The following COMMD1 variants were observed in gnomAD, a reference collection of about 807,000 sequenced individuals.
COMMD1 encodes the protein COMM domain-containing protein 1.
A neutral mutation model predicts 17.2 loss-of-function variants in COMMD1; 10 were observed. The observed-to-expected ratio is 0.58, with a 90% confidence interval of 0.36 to 0.99. The LOEUF is 0.99. COMMD1 is among the 50% of genes least tolerant of loss of function. COMMD1 has a pLI of 0.01. For missense variants in COMMD1, 270 were observed against 231.8 expected, an observed-to-expected ratio of 1.17 and a Z score of -1.07; for synonymous variants, 97 against 91.6, an observed-to-expected ratio of 1.06 and a Z score of -0.34.
chr2:62,089,544 A>G (rs966181239), intron 2 of COMMD1, among the ~76,000 whole-genome samples: 2 of 152,154 alleles, frequency 1.3e-5, no homozygotes, highest in African/African-American at 4.8e-5. Flanking sequence ...CGGCCTCTCA[A>G]AGTGCTGGGA....
chr2:61,943,974 C>G (rs1215185343), intron 1 of COMMD1, among the ~76,000 whole-genome samples: 1 of 152,206 alleles, frequency 6.6e-6, no homozygotes, highest in Non-Finnish European at 1.5e-5. Flanking sequence ...GCAGGCACTT[C>G]CACTTGGCCC....
rs148212932 is a variant in COMMD1, at chr2:62,135,436, C to T, written c.463-395C>T. Reference sequence around the variant, plus strand: ...CCCGATCTCGGCTCACTGCAAGCTCCGACTTTCGGGTTCACGCCATTCTCC... The same window carrying T: ...CCCGATCTCGGCTCACTGCAAGCTCTGACTTTCGGGTTCACGCCATTCTCC... On this transcript the variant is annotated intron_variant, in intron 2 of 2. Coordinates refer to ENST00000311832, the MANE Select transcript of COMMD1 (RefSeq NM_152516.4). Among the ~76,000 whole-genome samples, 611 of 152,036 alleles carry T rather than the reference C, an allele frequency of 4.0e-3. 3 individuals carry two copies. The highest frequency in any genetic ancestry group is 0.014 in the African/African-American group (580 of 41,464).
chr2:61,979,098 TC>T (rs1355912229), intron 1 of COMMD1, among the ~76,000 whole-genome samples: 1 of 152,122 alleles, frequency 6.6e-6, no homozygotes, highest in African/African-American at 2.4e-5. Context: ...GATCCCCACT[TC>T]CACTGCCCCC....
intron 1 of COMMD1, among the ~76,000 whole-genome samples, chr2:61,997,430 A>G (rs982662334): frequency 1.3e-5 from 2 of 152,080 alleles, no homozygotes; most frequent in Admixed American, 1.3e-4. Context: ...TGGTCTGCAG[A>G]ATGAATGCTG....
chr2:62,002,018 A>G (rs1668959308), intron 2 of COMMD1, among the ~76,000 whole-genome samples: 1 of 151,958 alleles, frequency 6.6e-6, no homozygotes, highest in Non-Finnish European at 1.5e-5. Flanking sequence ...TAAAAATACA[A>G]AATTAGCTGG....
At chr2:61,912,924 C>A (rs913694193) in intron 1 of COMMD1, among the ~76,000 whole-genome samples, 1 of 152,060 alleles carries the variant, frequency 6.6e-6, no homozygotes, top group Non-Finnish European at 1.5e-5. Context: ...CGTGGTGGCA[C>A]AGGCCTGCAG....
intron 2 of COMMD1, chr2:62,055,414 T>TA (rs1345814668): frequency 2.2e-6 from 1 of 455,890 alleles, no homozygotes; most frequent in East Asian, 6.9e-5. Flanking sequence ...GAAAAGAAAA[T>TA]ACCAAGAGTT....
intron 2 of COMMD1, among the ~76,000 whole-genome samples, chr2:62,061,842 A>G (rs1573132842): frequency 1.3e-5 from 2 of 152,094 alleles, no homozygotes; most frequent in East Asian, 1.9e-4. Context: ...TTTTTAAAGT[A>G]TCTACAGTAA....
chr2:62,004,880 G>A (rs1473347696), intron 2 of COMMD1, among the ~76,000 whole-genome samples: 1 of 152,172 alleles, frequency 6.6e-6, no homozygotes, highest in African/African-American at 2.4e-5. Flanking sequence ...GCTTGTGAGA[G>A]AATTAACGAT....
chr2:62,034,016 G>C (rs1647652615), intron 2 of COMMD1, among the ~76,000 whole-genome samples: 1 of 150,144 alleles, frequency 6.7e-6, no homozygotes, highest in Non-Finnish European at 1.5e-5. Flanking sequence ...AGGCTGAGGT[G>C]GTAGGATCGC....
At chr2:62,116,567 G>A (rs1672608442) in intron 2 of COMMD1, among the ~76,000 whole-genome samples, 1 of 151,448 alleles carries the variant, frequency 6.6e-6, no homozygotes, top group Non-Finnish European at 1.5e-5. Context: ...AGCTACTTGG[G>A]AGGCTGAGGC....
At chr2:62,135,774 C>A in intron 2 of COMMD1, 57 bp from the exon 3 acceptor site, 1 of 871,526 alleles carries the variant, frequency 1.1e-6, no homozygotes, top group Non-Finnish European at 2.0e-6. Flanking sequence ...TTGGTCATGC[C>A]AGATGGCCTT....
intron 1 of COMMD1, among the ~76,000 whole-genome samples, chr2:61,924,478 A>T (rs1670276731): frequency 6.6e-6 from 1 of 151,218 alleles, no homozygotes; most frequent in Non-Finnish European, 1.5e-5. Flanking sequence ...GTTGTCGAGG[A>T]GGGGAGAAAT....
chr2:61,934,116 A>G (rs1670541777), intron 1 of COMMD1, among the ~76,000 whole-genome samples: 1 of 152,094 alleles, frequency 6.6e-6, no homozygotes, highest in South Asian at 2.1e-4. Flanking sequence ...AACATCCAGA[A>G]CTATATATGT....
chr2:61,946,520 A>G (rs913800911), intron 1 of COMMD1, among the ~76,000 whole-genome samples: 7 of 152,226 alleles, frequency 4.6e-5, no homozygotes, highest in Non-Finnish European at 1.0e-4. Flanking sequence ...CTTAAAAAGT[A>G]AAGAAAAATC....
intron 2 of COMMD1, among the ~76,000 whole-genome samples, chr2:62,042,546 C>T (rs1314349288): frequency 5.3e-5 from 8 of 152,286 alleles, no homozygotes; most frequent in East Asian, 1.9e-4. Context: ...CCACTGAGCC[C>T]GTGCCCACCC....
chr2:62,045,730 A>ATTTTTTT (rs71410917), intron 2 of COMMD1, among the ~76,000 whole-genome samples: 21 of 84,894 alleles, frequency 2.5e-4, no homozygotes, highest in Non-Finnish European at 3.0e-4. Context: ...TTTCAAGTTA[A>ATTTTTTT]TTTTTTTTTT....
chr2:61,968,729 T>C (rs1671568573), intron 1 of COMMD1, among the ~76,000 whole-genome samples: 1 of 151,704 alleles, frequency 6.6e-6, no homozygotes. Flanking sequence ...GCTCATTTTT[T>C]GTATTTTTTA....
At chr2:61,997,265 T>A (rs1326845855) in intron 1 of COMMD1, among the ~76,000 whole-genome samples, 1 of 152,068 alleles carries the variant, frequency 6.6e-6, no homozygotes, top group African/African-American at 2.4e-5. Context: ...TCTTGCCATG[T>A]TGCCCAGAAT....
Sources: allele counts gnomAD v4.1 joint callset (sites outside exome capture counted in the v4.1 genomes callset), GRCh38; gene constraint gnomAD v4.1.1; transcripts MANE v1.5; gene names NCBI Gene and HGNC (gene_info 2026-07-23, HGNC 2026-07-21).